FAT4: variants seen among roughly 807,000 people sequenced by gnomAD.
FAT4 encodes FAT atypical cadherin 4.
A neutral mutation model predicts 303.9 loss-of-function variants in FAT4; 84 were observed. The observed-to-expected ratio is 0.28, with a 90% confidence interval of 0.23 to 0.33. The LOEUF (loss-of-function observed/expected upper bound fraction) is 0.33, where lower values mean the gene tolerates loss of function less well. FAT4 is among the 10% of genes least tolerant of loss of function. FAT4 has a pLI of 1.00. For missense variants in FAT4, 6,005 were observed against 6,146.8 expected (o/e 0.98, Z 0.77); for synonymous variants, 2,307 against 2,298.8 (o/e 1.00, Z -0.10).
Position 125,492,488 on chromosome 4 carries a change from A to G in FAT4, c.*720A>G, listed in dbSNP as rs779198992. The G allele has an allele frequency of 6.6e-6, 1 of 152,252 alleles. No homozygotes were observed. Among genetic ancestry groups the G allele is most frequent in the Admixed American group, 6.5e-5 (1 of 15,282 alleles). The allele number at this position is 152,252 out of a possible 1,614,324, so 9.4% of individuals were successfully genotyped here. A position where few individuals can be genotyped will look rare whatever the true frequency, so the allele number is the denominator to read the frequency against. ...GTCCCCAGAACACTGCCACCTTGCT[A>G]TGCGAATGATGTTCTCAGCAGCACT... On this transcript the variant is annotated 3_prime_UTR_variant, in exon 18 of 18. Coordinates refer to ENST00000394329, the MANE Select transcript of FAT4 (RefSeq NM_001291303.3).
At chr4:125,427,199 A>G (rs1210223895) in intron 7 of FAT4, among the ~76,000 whole-genome samples, 1 of 151,650 alleles carries the variant, frequency 6.6e-6, no homozygotes, top group Non-Finnish European at 1.5e-5. Flanking sequence ...TAATTTTTAA[A>G]AATTATGATA....
At chr4:125,386,317 G>C (rs1733747190) in intron 2 of FAT4, among the ~76,000 whole-genome samples, 2 of 152,124 alleles carry the variant, frequency 1.3e-5, no homozygotes, top group African/African-American at 2.4e-5. Context: ...TCACTCTGTT[G>C]CCCAGGCTTG....
At chr4:125,366,566 CAT>C (rs1732895581) in intron 2 of FAT4, among the ~76,000 whole-genome samples, 1 of 152,108 alleles carries the variant, frequency 6.6e-6, no homozygotes, top group Non-Finnish European at 1.5e-5. Flanking sequence ...ATGAACATAA[CAT>C]GTGCATCTTT....
Position 125,450,183 on chromosome 4 carries a change from T to C in FAT4, c.9173T>C (p.Phe3058Ser). ...SLISDLNQNF[F>S]ITVTAKDKGN... ...ATTTCTGACTTGAACCAAAACTTTT[T>C]TATCACAGTCACTGCAAAGGATAAG... The change falls in exon 10 of 18, where the codon TTT becomes TCT. Residue 3058 changes from phenylalanine (F) to serine (S), a missense_variant. Transcript: ENST00000394329. The C allele has an allele frequency of 6.2e-7, 1 of 1,613,816 alleles. No homozygotes were observed. Among genetic ancestry groups the C allele is most frequent in the Non-Finnish European group, 8.5e-7 (1 of 1,179,970 alleles).
chr4:125,340,659 C>T (rs1264220912), intron 2 of FAT4, among the ~76,000 whole-genome samples: 1 of 152,162 alleles, frequency 6.6e-6, no homozygotes, highest in Non-Finnish European at 1.5e-5. Context: ...TACACATTTG[C>T]AAATTTAGAA....
intron 2 of FAT4, among the ~76,000 whole-genome samples, chr4:125,342,785 T>G (rs1509303): frequency 0.14 from 20,546 of 151,900 alleles, 2,166 homozygotes; most frequent in African/African-American, 0.27. Flanking sequence ...CTAAGAATGT[T>G]AAAATGAGAT....
chr4:125,412,019 T>A (rs543632211), intron 5 of FAT4, among the ~76,000 whole-genome samples: 56 of 151,758 alleles, frequency 3.7e-4, no homozygotes, highest in African/African-American at 1.2e-3. Flanking sequence ...CCCACTAAAT[T>A]TAAATTGCAA....
At chr4:125,327,930 A>G (rs1731219748) in intron 2 of FAT4, among the ~76,000 whole-genome samples, 1 of 152,158 alleles carries the variant, frequency 6.6e-6, no homozygotes, top group Non-Finnish European at 1.5e-5. Context: ...GGACTGTTGC[A>G]TTAGTGACTG....
At chr4:125,442,585 C>T (rs1334265697) in intron 8 of FAT4, among the ~76,000 whole-genome samples, 1 of 152,026 alleles carries the variant, frequency 6.6e-6, no homozygotes, top group African/African-American at 2.4e-5. Context: ...AACCTTGTTT[C>T]AAGCAATTAT....
intron 8 of FAT4, among the ~76,000 whole-genome samples, chr4:125,438,847 C>G (rs1725548189): frequency 6.6e-6 from 1 of 152,034 alleles, no homozygotes; most frequent in African/African-American, 2.4e-5. Context: ...ATTAAAAGAG[C>G]TATTGGTTTA....
At chr4:125,455,680 T>C (rs1206733832) in intron 10 of FAT4, among the ~76,000 whole-genome samples, 2 of 152,204 alleles carry the variant, frequency 1.3e-5, no homozygotes, top group African/African-American at 4.8e-5. Flanking sequence ...GCTATTTATA[T>C]ACATGTCGCA....
chr4:125,415,675 C>T lies in FAT4; in HGVS notation c.6712C>T (p.Pro2238Ser), dbSNP rs1174883616. 6 of 1,613,904 alleles carry T rather than the reference C, an allele frequency of 3.7e-6. No homozygotes were observed. In the African/African-American group the frequency reaches 5.3e-5, roughly 14 times the overall value. ...TCAGGCAACAGATCGAGGCAGCACA[C>T]CCAGAACTGATACCTCCACGGTCAG... ...TVQATDRGST[P>S]RTDTSTVSIV... The change falls in exon 6 of 18, where the codon CCC becomes TCC. Residue 2238 changes from proline to serine, a missense_variant. Physicochemically the swap from Pro to Ser is moderately conservative, Grantham distance 74. Transcript: ENST00000394329.
Position 125,450,983 on chromosome 4 carries a change from A to G in FAT4, c.9973A>G (p.Ser3325Gly), listed in dbSNP as rs751109716. 6.2e-6 allele frequency: 10 copies of G among 1,614,168 alleles called. No homozygotes were observed. The East Asian group carries it at 1.8e-4, about 29-fold the overall frequency. The change falls in exon 10 of 18, where the codon AGC becomes GGC. Residue 3325 changes from serine to glycine, a missense_variant. By Grantham distance (56) the Ser-to-Gly change is moderately conservative. Coordinates refer to ENST00000394329, the MANE Select transcript of FAT4 (RefSeq NM_001291303.3). The stretch of plus-strand genomic sequence containing the variant: ...TACTATTGTTGGAGAAGTGTTTGCT[A>G]GCGACCGTGATTTGGGCACTGATGG... Reference protein sequence around the residue: ...KGTIVGEVFASDRDLGTDGEV... With the variant: ...KGTIVGEVFAGDRDLGTDGEV...
rs1560754651 is a variant in FAT4, at chr4:125,319,017, G to A, written c.2606G>A (p.Ser869Asn). ...TTTTATCAGCTGAAGGTAGTGGCCA[G>A]TGGGGGCACAGTGACTGGAGACACT... ...QSFYQLKVVASGGTVTGDTMV... is the reference protein window; with the variant it reads ...QSFYQLKVVANGGTVTGDTMV... Residue 869 changes from serine (S) to asparagine (N), a missense_variant, in exon 2 of 18, where the codon AGT becomes AAT. Transcript: ENST00000394329. 1.9e-6 allele frequency: 3 copies of A among 1,614,226 alleles called. No homozygotes were observed. The highest frequency in any genetic ancestry group is 1.7e-6 in the Non-Finnish European group (2 of 1,180,044).
chr4:125,332,056 A>T (rs1731406462), intron 2 of FAT4, among the ~76,000 whole-genome samples: 1 of 152,036 alleles, frequency 6.6e-6, no homozygotes, highest in South Asian at 2.1e-4. Flanking sequence ...AAAGTTTATT[A>T]GTGCTCTTCC....
intron 8 of FAT4, among the ~76,000 whole-genome samples, chr4:125,445,678 T>C (rs1262708310): frequency 1.3e-5 from 2 of 152,090 alleles, no homozygotes; most frequent in African/African-American, 2.4e-5. Context: ...CCTATCTGGT[T>C]AGCATCAAAA....
rs555458566 is a variant in FAT4 at position 125,321,468 on chromosome 4, A to G, written c.5057A>G (p.His1686Arg). The G allele has an allele frequency of 1.1e-5, 17 of 1,614,148 alleles. No individual in the cohort carries two copies. The Middle Eastern group carries it at 4.9e-4, about 47-fold the overall frequency. ...TVGRLFTIGR[H>R]TGIIQTAAIL... Reference sequence around the variant, plus strand: ...GGACGCCTCTTTACTATTGGACGACATACTGGTATAATTCAGACCGCAGCC... The same window carrying G: ...GGACGCCTCTTTACTATTGGACGACGTACTGGTATAATTCAGACCGCAGCC... Residue 1686 changes from histidine to arginine, a missense_variant, in exon 2 of 18, where the codon CAT (histidine) becomes CGT (arginine). By Grantham distance (29) the His-to-Arg change is conservative. Transcript: ENST00000394329.
chr4:125,482,351 A>G (rs1050828087), intron 16 of FAT4, among the ~76,000 whole-genome samples: 1 of 152,168 alleles, frequency 6.6e-6, no homozygotes, highest in Non-Finnish European at 1.5e-5. Flanking sequence ...TGGATTTATC[A>G]TTAGGCTTTT....
In FAT4 at chr4:125,452,579, G is replaced by A; in HGVS notation, c.11569G>A (p.Ala3857Thr). 1 of 1,614,166 alleles carries A rather than the reference G, an allele frequency of 6.2e-7. No individual in the cohort carries two copies. Among genetic ancestry groups the A allele is most frequent in the Non-Finnish European group, 8.5e-7 (1 of 1,180,028 alleles). Residue 3857 changes from alanine to threonine, a missense_variant, in exon 10 of 18, where the codon GCG (alanine) becomes ACG (threonine). Coordinates refer to ENST00000394329, the MANE Select transcript of FAT4 (RefSeq NM_001291303.3). ...CTTATGCAAGTGTCTGCCAGGATAT[G>A]CGGGTAGCTGGTGTGAAATAGATAT... ...PFLCKCLPGY[A>T]GSWCEIDIDE...
Sources: allele counts gnomAD v4.1 joint callset (sites outside exome capture counted in the v4.1 genomes callset), GRCh38; gene constraint gnomAD v4.1.1; transcripts MANE v1.5; gene names NCBI Gene and HGNC (gene_info 2026-07-23, HGNC 2026-07-21).